KIAA1217: variants seen among roughly 807,000 people sequenced by gnomAD.
KIAA1217 encodes sickle tail protein homolog.
Under a neutral mutation model 163.9 loss-of-function variants are expected in KIAA1217, and 88 were observed. That is an observed-to-expected ratio of 0.54 (90% CI 0.45 to 0.64). The LOEUF is 0.64. KIAA1217 is among the 30% of genes least tolerant of loss of function. The probability of loss-of-function intolerance (pLI) is 0.00; values close to 1 mark genes in which losing one functional copy is unlikely to be tolerated. For synonymous variants in KIAA1217, 903 were observed against 923.1 expected, an observed-to-expected ratio of 0.98 and a Z score of 0.39; for missense variants, 2,372 against 2,475.0, an observed-to-expected ratio of 0.96 and a Z score of 0.88.
chr10:24,261,754 C>T (rs537688986), intron 2 of KIAA1217, among the ~76,000 whole-genome samples: 11 of 152,034 alleles, frequency 7.2e-5, no homozygotes, highest in Admixed American at 1.3e-4. Context: ...AGGATAGGTG[C>T]AGGGTCACTG....
At chr10:23,900,249 G>T (rs141483145) in intron 1 of KIAA1217, among the ~76,000 whole-genome samples, 2 of 151,816 alleles carry the variant, frequency 1.3e-5, no homozygotes, top group Admixed American at 1.3e-4. Flanking sequence ...AAGGTGACCC[G>T]CCCACCTCAG....
chr10:23,958,774 G>A (rs1844681979), intron 1 of KIAA1217, among the ~76,000 whole-genome samples: 1 of 152,006 alleles, frequency 6.6e-6, no homozygotes, highest in South Asian at 2.1e-4. Context: ...CTCATACCAT[G>A]CGAAAGCTGA....
At chr10:23,932,952 G>T (rs903414892) in intron 1 of KIAA1217, among the ~76,000 whole-genome samples, 25 of 152,182 alleles carry the variant, frequency 1.6e-4, no homozygotes, top group Non-Finnish European at 2.9e-5. Flanking sequence ...TTAGGTTGTT[G>T]CTATGACAGG....
chr10:24,117,179 A>G (rs2063092214), intron 2 of KIAA1217, among the ~76,000 whole-genome samples: 1 of 152,066 alleles, frequency 6.6e-6, no homozygotes, highest in Non-Finnish European at 1.5e-5. Context: ...CTGGGATTAC[A>G]GGCATGTACC....
In KIAA1217 at chr10:23,996,176, A is replaced by G. The variant is rs144344106; in HGVS notation, c.-320-11049A>G. 1.2e-3 allele frequency among the ~76,000 whole-genome samples: 177 copies of G among 152,240 alleles called. 1 individual carries two copies. The highest frequency in any genetic ancestry group is 3.9e-3 in the African/African-American group (164 of 41,544). On this transcript the variant is annotated intron_variant, in intron 1 of 18. Coordinates refer to the KIAA1217 transcript ENST00000376462. ...GAAGCACCAAGATCATTATTCAGCC[A>G]TTTTTGCCCTTAAACAAACCAAATG...
chr10:23,763,902 G>A (rs1466756825), intron 1 of KIAA1217, among the ~76,000 whole-genome samples: 1 of 151,978 alleles, frequency 6.6e-6, no homozygotes, highest in Non-Finnish European at 1.5e-5. Context: ...ATGTAGTTGG[G>A]AAAGTCATTT....
At position 24,319,724 on chromosome 10, in the gene KIAA1217, A is replaced by G. The variant is rs114415370; in HGVS notation, c.355-61145A>G. ...TGCGCCTTAGCAACGCACTTATGCAAGACCCCAACAACTGGCCCTTGAAAG... is the reference window on the plus strand; with the variant it reads ...TGCGCCTTAGCAACGCACTTATGCAGGACCCCAACAACTGGCCCTTGAAAG... On this transcript the variant is annotated intron_variant, in intron 2 of 20. Coordinates refer to ENST00000376454, the MANE Select transcript of KIAA1217 (RefSeq NM_019590.5). Among the ~76,000 whole-genome samples, 476 of 152,330 alleles carry G rather than the reference A, an allele frequency of 3.1e-3. 2 individuals carry two copies. Among genetic ancestry groups the G allele is most frequent in the African/African-American group, 0.011 (455 of 41,564 alleles).
At chr10:24,514,383 T>C (rs1476276883) in intron 10 of KIAA1217, among the ~76,000 whole-genome samples, 2 of 152,176 alleles carry the variant, frequency 1.3e-5, no homozygotes, top group African/African-American at 4.8e-5. Flanking sequence ...GTCACCTATC[T>C]CCTATTGGAG....
At chr10:23,828,147 C>A (rs889770475) in intron 1 of KIAA1217, among the ~76,000 whole-genome samples, 2 of 152,200 alleles carry the variant, frequency 1.3e-5, no homozygotes, top group Non-Finnish European at 2.9e-5. Flanking sequence ...CTGGGTCTGG[C>A]TCTGAGCCCT....
intron 2 of KIAA1217, among the ~76,000 whole-genome samples, chr10:24,246,112 A>G (rs2073775924): frequency 6.6e-6 from 1 of 152,126 alleles, no homozygotes; most frequent in Non-Finnish European, 1.5e-5. Context: ...CTTTTTTATG[A>G]TAAGTTTTAA....
At chr10:24,083,893 G>A (rs2061611225) in intron 2 of KIAA1217, among the ~76,000 whole-genome samples, 1 of 152,122 alleles carries the variant, frequency 6.6e-6, no homozygotes, top group Non-Finnish European at 1.5e-5. Context: ...GCAAGTAAAT[G>A]ATCAGTTCCT....
chr10:24,046,468 C>A (rs1849035829), intron 2 of KIAA1217, among the ~76,000 whole-genome samples: 1 of 152,150 alleles, frequency 6.6e-6, no homozygotes, highest in Non-Finnish European at 1.5e-5. Flanking sequence ...ATTTAATTGA[C>A]TCAGTTCTGC....
chr10:24,189,901 G>A (rs1253573256), intron 2 of KIAA1217, among the ~76,000 whole-genome samples: 3 of 151,868 alleles, frequency 2.0e-5, no homozygotes, highest in Non-Finnish European at 4.4e-5. Flanking sequence ...CATGCCTATA[G>A]TCCCAGATAC....
intron 2 of KIAA1217, among the ~76,000 whole-genome samples, chr10:24,020,878 A>T (rs115014673): frequency 0.025 from 3,830 of 152,176 alleles, 149 homozygotes; most frequent in African/African-American, 0.088. Flanking sequence ...CCTTGGGGGA[A>T]AAAGTAAAGA....
intron 1 of KIAA1217, among the ~76,000 whole-genome samples, chr10:23,853,881 T>G (rs1839499575): frequency 6.6e-6 from 1 of 152,212 alleles, no homozygotes; most frequent in Admixed American, 6.5e-5. Flanking sequence ...CATTTTTTAT[T>G]GCATCTATTT....
chr10:23,937,376 C>A (rs536603228), intron 1 of KIAA1217, among the ~76,000 whole-genome samples: 16 of 152,134 alleles, frequency 1.1e-4, no homozygotes, highest in Non-Finnish European at 2.1e-4. Flanking sequence ...GACCACCCAG[C>A]CTTCTGGTTT....
chr10:24,280,577 G>A (rs934002306), intron 2 of KIAA1217, among the ~76,000 whole-genome samples: 7 of 151,964 alleles, frequency 4.6e-5, no homozygotes, highest in East Asian at 3.9e-4. Context: ...TTTGGGAGGC[G>A]GAGGCGGGTG....
At chr10:23,714,642 T>C (rs1241847864) in intron 1 of KIAA1217, among the ~76,000 whole-genome samples, 1 of 152,170 alleles carries the variant, frequency 6.6e-6, no homozygotes, top group South Asian at 2.1e-4. Flanking sequence ...ACAAAGTTTT[T>C]TTCCTGCTCT....
chr10:24,065,230 A>G (rs1385144965), intron 2 of KIAA1217, among the ~76,000 whole-genome samples: 1 of 151,684 alleles, frequency 6.6e-6, no homozygotes, highest in African/African-American at 2.4e-5. Context: ...TTTAATTGTG[A>G]CGTTAGGGTG....
Sources: allele counts gnomAD v4.1 joint callset (sites outside exome capture counted in the v4.1 genomes callset), GRCh38; gene constraint gnomAD v4.1.1; transcripts MANE v1.5; gene names NCBI Gene and HGNC (gene_info 2026-07-23, HGNC 2026-07-21).